Variants in NKX1-1 observed in about 807,000 individuals in gnomAD.
NKX1-1 encodes the protein NK1 homeobox 1.
Under a neutral mutation model 1.7 loss-of-function variants are expected in NKX1-1, and 7 were observed. The observed-to-expected ratio is 4.22, with a 90% CI of 2.40 to 7.92. The LOEUF (loss-of-function observed/expected upper bound fraction) is 7.92. Among genes scored for constraint, NKX1-1 ranks in the 30% most tolerant of loss-of-function variants. The probability of loss-of-function intolerance (pLI) is 0.00; values close to 1 mark genes in which losing one functional copy is unlikely to be tolerated. For missense variants in NKX1-1, 453 were observed against 171.5 expected (o/e 2.64, Z -9.17); for synonymous variants, 242 against 85.3 (o/e 2.84, Z -10.13).
intron 1 of NKX1-1, among the ~76,000 whole-genome samples, 178 bp from the exon 2 acceptor site, chr4:1,403,993 G>A (rs527725749): frequency 8.0e-4 from 121 of 151,334 alleles, no homozygotes; most frequent in Non-Finnish European, 1.4e-3. Flanking sequence ...CCCTCCCCTC[G>A]GCCTGTCCTT....
chr4:1,405,117 GC>G, intron 1 of NKX1-1, among the ~76,000 whole-genome samples: 1 of 152,326 alleles, frequency 6.6e-6, no homozygotes, highest in Non-Finnish European at 1.5e-5. Flanking sequence ...CTCCATCTCG[GC>G]CGACCCGGAA....
At position 1,403,354 on chromosome 4, in the gene NKX1-1, C is replaced by A. The variant is rs765884639; in HGVS notation, c.925G>T (p.Val309Leu). The A allele has an allele frequency of 1.4e-6, 1 of 730,918 alleles. No homozygotes were observed. The allele number at this position is 730,918 out of a possible 1,614,324, so 45.3% of individuals were successfully genotyped here. A position where few individuals can be genotyped will look rare whatever the true frequency, so the allele number is the denominator to read the frequency against. The change falls in exon 2 of 2, where the codon GTG becomes TTG. Residue 309 changes from valine to leucine, a missense_variant. By Grantham distance (32) the Val-to-Leu change is conservative. Transcript: ENST00000422806. ...ARTAFTYEQLVALENKFKATR... is the reference protein window; with the variant it reads ...ARTAFTYEQLLALENKFKATR... ...GCCTTGAACTTGTTCTCCAGCGCCA[C>A]GAGCTGCTCGTAGGTGAAGGCGGTG...
At chr4:1,404,145 C>T (rs1384822209) in intron 1 of NKX1-1, among the ~76,000 whole-genome samples, 2 of 152,230 alleles carry the variant, frequency 1.3e-5, no homozygotes, top group Non-Finnish European at 2.9e-5. Context: ...GGGCCGGGCC[C>T]GGCTGCGGAG....
Position 1,403,307 on chromosome 4 carries a change from G to A in NKX1-1, c.972C>T (p.Cys324=). 2 of 710,098 alleles carry A rather than the reference G, an allele frequency of 2.8e-6. No individual in the cohort carries two copies. The highest frequency in any genetic ancestry group is 1.8e-5 in the African/African-American group (1 of 54,638). 44.0% of individuals were successfully genotyped at this position (710,098 alleles called of 1,614,324 possible). The change falls in exon 2 of 2, where the codon TGC becomes TGT. Residue 324 remains cysteine (C), a synonymous_variant. Transcript: ENST00000422806. ...KFKATRYLSV[C]ERLNLALSLS... is the part of the protein sequence containing the mutation. ...GCGACAGCGCCAGGTTGAGGCGCTCGCACACCGACAGGTAGCGCGTGGCCT... is the reference window on the plus strand; with the variant it reads ...GCGACAGCGCCAGGTTGAGGCGCTCACACACCGACAGGTAGCGCGTGGCCT...
chr4:1,403,931 C>A, intron 1 of NKX1-1, 116 bp from the exon 2 acceptor site: 1 of 481,750 alleles, frequency 2.1e-6, no homozygotes, highest in Non-Finnish European at 3.7e-6. Context: ...CCCTGCTCAG[C>A]GCCTCCTGCT....
intron 1 of NKX1-1, among the ~76,000 whole-genome samples, chr4:1,404,185 C>G (rs1031164451): frequency 6.6e-6 from 1 of 152,240 alleles, no homozygotes; most frequent in Admixed American, 6.5e-5. Flanking sequence ...TCTGATCGAT[C>G]CGCAGGGCTG....
In NKX1-1 at chr4:1,406,402, G is replaced by C. The variant is rs976538178; in HGVS notation, c.41C>G (p.Ala14Gly). ...SGPEAPGDIPALPPPPQPGSG... is the reference protein window; with the variant it reads ...SGPEAPGDIPGLPPPPQPGSG... ...ACCTGGCTGGGGAGGCGGCGGTAGCGCGGGAATGTCCCCAGGAGCCTCGGG... is the reference window on the plus strand; with the variant it reads ...ACCTGGCTGGGGAGGCGGCGGTAGCCCGGGAATGTCCCCAGGAGCCTCGGG... The change falls in exon 1 of 2, where the codon GCG becomes GGG. Residue 14 changes from alanine (A) to glycine (G), a missense_variant. Ala to Gly is a moderately conservative substitution (Grantham distance 60, BLOSUM62 0). Transcript: ENST00000422806. 5.7e-6 allele frequency: 2 copies of C among 352,096 alleles called. No individual in the cohort carries two copies. Among genetic ancestry groups the C allele is most frequent in the Non-Finnish European group, 1.0e-5 (2 of 196,798 alleles). The allele number at this position is 352,096 out of a possible 1,614,324, so 21.8% of individuals were successfully genotyped here. A position where few individuals can be genotyped will look rare whatever the true frequency, so the allele number is the denominator to read the frequency against.
Position 1,403,818 on chromosome 4 carries a change from G to C in NKX1-1, c.464-3C>G. On this transcript the variant is annotated splice_region_variant and splice_polypyrimidine_tract_variant and intron_variant, in intron 1 of 1. Transcript: ENST00000422806. ...TGCCTTGAAGGGGTCGCCGGCGTCT[G>C]CGGGAGGGAGGGACAAGGACAGGGC... 1 of 664,448 alleles carries C rather than the reference G, an allele frequency of 1.5e-6. No individual in the cohort carries two copies. 41.2% of individuals were successfully genotyped at this position (664,448 alleles called of 1,614,324 possible). A position where few individuals can be genotyped will look rare whatever the true frequency, so the allele number is the denominator to read the frequency against.
At chr4:1,403,837 A>G (rs1213209924) in intron 1 of NKX1-1, 22 bp from the exon 2 acceptor site, 4 of 647,152 alleles carry the variant, frequency 6.2e-6, no homozygotes, top group Non-Finnish European at 2.8e-6. Context: ...AGGGACAAGG[A>G]CAGGGCAGGG....
intron 1 of NKX1-1, among the ~76,000 whole-genome samples, chr4:1,404,035 C>T (rs1720706069): frequency 1.3e-5 from 2 of 152,138 alleles, no homozygotes; most frequent in Admixed American, 1.3e-4. Context: ...CTCTCGGTCC[C>T]TTGCTTGTTT....
rs749542811 is a variant in NKX1-1 at position 1,403,201 on chromosome 4, T to A, written c.1078A>T (p.Thr360Ser). Residue 360 changes from threonine to serine, a missense_variant, in exon 2 of 2, where the codon ACC becomes TCC. By Grantham distance (58) the Thr-to-Ser change is moderately conservative (BLOSUM62 1). Transcript: ENST00000422806. Reference sequence around the variant, plus strand: ...CCCCCGCCGCCGGTCGGAGCGCTGGTGTCGGCGCCCGGGTTCTGCTTCTTC... The same window carrying A: ...CCCCCGCCGCCGGTCGGAGCGCTGGAGTCGGCGCCCGGGTTCTGCTTCTTC... ...KWKKQNPGAD[T>S]SAPTGGGGGP... 1.7e-5 allele frequency: 12 copies of A among 693,806 alleles called. No homozygotes were observed. Among genetic ancestry groups the A allele is most frequent in the Non-Finnish European group, 3.2e-5 (12 of 377,740 alleles). 43.0% of individuals were successfully genotyped at this position (693,806 alleles called of 1,614,324 possible).
chr4:1,403,136 G>A lies in NKX1-1; in HGVS notation c.1143C>T (p.Pro381=). Residue 381 remains proline, a synonymous_variant, in exon 2 of 2, where the codon CCC becomes CCT. Transcript: ENST00000422806. ...AGGGGCTGAGCGGGCTGAGGCCGCC[G>A]GGCAGCCCCGTGCCAGGCCCGGCCC... is the stretch of plus-strand genomic sequence containing the variant. The part of the protein sequence containing the change: ...GPGAGPGTGL[P]GGLSPLSPSP... The A allele has an allele frequency of 8.0e-6, 4 of 497,088 alleles. No homozygotes were observed. Among genetic ancestry groups the A allele is most frequent in the Non-Finnish European group, 1.4e-5 (4 of 284,964 alleles). The allele number at this position is 497,088 out of a possible 1,614,324, so 30.8% of individuals were successfully genotyped here. A position where few individuals can be genotyped will look rare whatever the true frequency, so the allele number is the denominator to read the frequency against.
intron 1 of NKX1-1, 99 bp downstream of exon 1, chr4:1,405,881 G>A (rs1025937480): frequency 1.5e-5 from 6 of 400,846 alleles, no homozygotes; most frequent in Non-Finnish European, 2.6e-5. Context: ...GCCTCGGCGT[G>A]GGCCAGACCC....
chr4:1,406,251 C>T lies in NKX1-1; in HGVS notation c.192G>A (p.Ala64=). 4.2e-6 allele frequency: 2 copies of T among 474,704 alleles called. No homozygotes were observed. The highest frequency in any genetic ancestry group is 7.3e-6 in the Non-Finnish European group (2 of 272,492). The allele number at this position is 474,704 out of a possible 1,614,324, so 29.4% of individuals were successfully genotyped here. A position where few individuals can be genotyped will look rare whatever the true frequency, so the allele number is the denominator to read the frequency against. ...PLAASDTVPA[A]PEGAGAARPA... is the part of the protein sequence containing the mutation. ...GCCGGGCCGCTCCAGCCCCCTCGGG[C>T]GCCGCAGGCACAGTGTCGCTGGCCG... The change falls in exon 1 of 2, where the codon GCG becomes GCA. Residue 64 remains alanine, a synonymous_variant. Transcript: ENST00000422806.
intron 1 of NKX1-1, 44 bp from the exon 2 acceptor site, chr4:1,403,859 G>C (rs762433475): frequency 2.9e-5 from 17 of 576,964 alleles, no homozygotes; most frequent in Admixed American, 1.3e-4. Context: ...AGTTAGGACC[G>C]GCCGGTTCCC....
chr4:1,405,574 A>C (rs1720734815), intron 1 of NKX1-1, among the ~76,000 whole-genome samples: 1 of 152,100 alleles, frequency 6.6e-6, no homozygotes, highest in East Asian at 1.9e-4. Context: ...TTGTCCAAAA[A>C]AAAAGAGAGA....
intron 1 of NKX1-1, among the ~76,000 whole-genome samples, chr4:1,404,769 C>T (rs1404840933): frequency 6.6e-6 from 1 of 152,228 alleles, no homozygotes; most frequent in Non-Finnish European, 1.5e-5. Context: ...GCCTGCTCTC[C>T]GGCCAGGTCG....
At position 1,406,211 on chromosome 4, in the gene NKX1-1, G is replaced by A. The variant is rs755025105; in HGVS notation, c.232C>T (p.Arg78Cys). 6.5e-5 allele frequency: 37 copies of A among 567,804 alleles called. No homozygotes were observed. The highest frequency in any genetic ancestry group is 1.1e-4 in the Non-Finnish European group (35 of 319,512). 35.2% of individuals were successfully genotyped at this position (567,804 alleles called of 1,614,324 possible). A position where few individuals can be genotyped will look rare whatever the true frequency, so the allele number is the denominator to read the frequency against. Reference sequence around the variant, plus strand: ...TCCAGTACCGAGAAGGAGGTGGGGCGCAGGGGCGCTGCGGGCCGGGCCGCT... The same window carrying A: ...TCCAGTACCGAGAAGGAGGTGGGGCACAGGGGCGCTGCGGGCCGGGCCGCT... ...AGAARPAAPL[R>C]PTSFSVLDIL... Residue 78 changes from arginine (R) to cysteine (C), a missense_variant, in exon 1 of 2, where the codon CGC becomes TGC. Coordinates refer to ENST00000422806, the MANE Select transcript of NKX1-1 (RefSeq NM_001290079.1).
chr4:1,403,932 G>A, intron 1 of NKX1-1, 117 bp from the exon 2 acceptor site: 1 of 477,468 alleles, frequency 2.1e-6, no homozygotes, highest in Non-Finnish European at 3.7e-6. Flanking sequence ...CCTGCTCAGC[G>A]CCTCCTGCTT....
Sources: allele counts gnomAD v4.1 joint callset (sites outside exome capture counted in the v4.1 genomes callset), GRCh38; gene constraint gnomAD v4.1.1; transcripts MANE v1.5; gene names NCBI Gene and HGNC (gene_info 2026-07-23, HGNC 2026-07-21).